Variants in PACRG observed in about 807,000 individuals in gnomAD.
The protein encoded by PACRG is parkin coregulated, also known as parkin coregulated gene protein.
Under a neutral mutation model 29.7 loss-of-function variants are expected in PACRG, and 29 were observed. That is an observed-to-expected ratio of 0.98 (90% confidence interval 0.73 to 1.33). The LOEUF is 1.33. Among genes scored for constraint, PACRG ranks in the 40% most tolerant of loss-of-function variants. The pLI is 0.00. For missense variants in PACRG, 279 were observed against 316.2 expected, an observed-to-expected ratio of 0.88 and a Z score of 0.89; for synonymous variants, 116 against 118.7, an observed-to-expected ratio of 0.98 and a Z score of 0.15.
Position 162,850,686 on chromosome 6 carries a change from T to TC in PACRG, c.291+36410dup, listed in dbSNP as rs1790783364. 3.9e-5 allele frequency among the ~76,000 whole-genome samples: 6 copies of TC among 152,298 alleles called. No individual in the cohort carries two copies. The South Asian group carries it at 1.2e-3, about 32-fold the overall frequency. ...GAGGGCGGGGAAGCTCCACACCCTT[T>TC]CCCCCATATCTTGCCCTATCCATCT... On this transcript the variant is annotated intron_variant, in intron 2 of 4. Transcript: ENST00000366888.
chr6:163,108,642 A>G (rs955823208), intron 4 of PACRG, among the ~76,000 whole-genome samples: 1 of 150,724 alleles, frequency 6.6e-6, no homozygotes, highest in African/African-American at 2.4e-5. Flanking sequence ...ACCCACCTCA[A>G]CCTCTCAAAG....
chr6:163,314,720 T>C (rs1448306284), intron 4 of PACRG, 107 bp from the exon 5 acceptor site: 1 of 1,236,140 alleles, frequency 8.1e-7, no homozygotes, highest in African/African-American at 1.5e-5. Flanking sequence ...AAATCTTGCA[T>C]GTTTGTGTCT....
At chr6:163,192,851 G>A (rs713375) in intron 4 of PACRG, among the ~76,000 whole-genome samples, 127,843 of 152,194 alleles carry the variant, frequency 0.84, 53,760 homozygotes, top group Non-Finnish European at 0.85. Flanking sequence ...CATCTGTGAC[G>A]TCCTGCAGTA....
intron 2 of PACRG, among the ~76,000 whole-genome samples, chr6:163,015,834 C>T (rs1009261081): frequency 3.3e-5 from 5 of 152,110 alleles, no homozygotes; most frequent in Non-Finnish European, 5.9e-5. Context: ...TTATTTCTGT[C>T]TGTTGTGTAG....
chr6:162,768,339 T>G (rs1782958495), intron 1 of PACRG, among the ~76,000 whole-genome samples: 1 of 152,100 alleles, frequency 6.6e-6, no homozygotes, highest in African/African-American at 2.4e-5. Flanking sequence ...TTATTGTTCT[T>G]TTTTTGATGA....
rs768856574 is a variant in PACRG, at chr6:162,800,121, C to T, written c.157-14026C>T. Among the ~76,000 whole-genome samples, 56 of 152,322 alleles carry T rather than the reference C, an allele frequency of 3.7e-4. 1 individual carries two copies. Among genetic ancestry groups the T allele is most frequent in the Middle Eastern group, 6.8e-3 (2 of 294 alleles). ...GTCTAAATTGAAGTCTCTGATGACT[C>T]TCGGAGACAAGTTGAAGGCAAGAAC... is the stretch of plus-strand genomic sequence containing the variant. On this transcript the variant is annotated intron_variant, in intron 1 of 4. Transcript: ENST00000366888.
rs190498725 is a variant in PACRG at position 162,769,666 on chromosome 6, C to T, written c.156+41275C>T. ...AATATAAACATTGATAAATTGTGAG[C>T]AGCGATCTTTACCTTAGCTCTGAAT... On this transcript the variant is annotated intron_variant, in intron 1 of 4. Transcript: ENST00000366888. 1.2e-4 allele frequency among the ~76,000 whole-genome samples: 18 copies of T among 151,580 alleles called. 1 individual carries two copies. In the East Asian group the frequency reaches 2.3e-3, roughly 20 times the overall value.
At chr6:162,972,805 G>A (rs374968282) in intron 2 of PACRG, among the ~76,000 whole-genome samples, 1 of 152,174 alleles carries the variant, frequency 6.6e-6, no homozygotes, top group African/African-American at 2.4e-5. Context: ...CAGTGTACTG[G>A]TCTTGTATGT....
In PACRG at chr6:162,958,866, TATATATATATATATATATAGAGAG is replaced by T. The variant is rs1186091642; in HGVS notation, c.292-103282_292-103259del. On this transcript the variant is annotated intron_variant, in intron 2 of 4. Transcript: ENST00000366888. ...TATATAGAGCATATATATATATATA[TATATATATATATATATATAGAGAG>T]AGAGAGAGAGAGAGAGAGAGAGAGA... Among the ~76,000 whole-genome samples the T allele has an allele frequency of 3.8e-4, 27 of 71,484 alleles. No individual in the cohort carries two copies. The South Asian group carries it at 3.9e-3, about 10-fold the overall frequency. 46.9% of individuals were successfully genotyped at this position (71,484 alleles called of 152,430 possible).
Position 162,777,671 on chromosome 6 carries a change from G to C in PACRG, c.157-36476G>C, listed in dbSNP as rs1055293532. 2.0e-5 allele frequency among the ~76,000 whole-genome samples: 3 copies of C among 152,026 alleles called. No homozygotes were observed. The highest frequency in any genetic ancestry group is 4.8e-5 in the African/African-American group (2 of 41,386). On this transcript the variant is annotated intron_variant, in intron 1 of 4. Coordinates refer to ENST00000366888, the MANE Select transcript of PACRG (RefSeq NM_001080379.2). The surrounding 1 kb of genome is among the most constrained non-coding windows in gnomAD (Gnocchi z 4.0). The stretch of plus-strand genomic sequence containing the variant: ...AATTTGGTGCCTGTGATTTCATAAG[G>C]AAATATTTTATTTTATACTTTTACT...
At chr6:163,059,217 T>C (rs1343358854) in intron 2 of PACRG, among the ~76,000 whole-genome samples, 2 of 152,254 alleles carry the variant, frequency 1.3e-5, no homozygotes, top group African/African-American at 4.8e-5. Context: ...TCTCTCTCAC[T>C]CGCTCAATCT....
chr6:163,169,237 T>C (rs1176227554), intron 4 of PACRG, among the ~76,000 whole-genome samples: 1 of 152,220 alleles, frequency 6.6e-6, no homozygotes, highest in Non-Finnish European at 1.5e-5. Flanking sequence ...AAGCGTGTAT[T>C]ATGATAAAGT....
chr6:163,295,609 T>G (rs1784756239), intron 4 of PACRG, among the ~76,000 whole-genome samples: 3 of 152,222 alleles, frequency 2.0e-5, no homozygotes, highest in African/African-American at 7.2e-5. Flanking sequence ...TTTGGCTAGG[T>G]GCTGTCTATA....
At chr6:163,141,313 A>G (rs1817141355) in intron 4 of PACRG, among the ~76,000 whole-genome samples, 1 of 152,250 alleles carries the variant, frequency 6.6e-6, no homozygotes, top group Non-Finnish European at 1.5e-5. Context: ...GTAAAATTAC[A>G]GCCGAAGTGA....
intron 4 of PACRG, among the ~76,000 whole-genome samples, chr6:163,194,479 G>A (rs905042035): frequency 9.9e-5 from 15 of 151,754 alleles, no homozygotes; most frequent in African/African-American, 3.6e-4. Flanking sequence ...AAACCCCGGC[G>A]CCTCCAGGCT....
intron 4 of PACRG, among the ~76,000 whole-genome samples, chr6:163,107,239 G>A (rs1457692974): frequency 6.6e-6 from 1 of 152,282 alleles, no homozygotes; most frequent in East Asian, 1.9e-4. Context: ...TGATGAGAAA[G>A]AGAAAGATGT....
intron 2 of PACRG, among the ~76,000 whole-genome samples, chr6:162,875,873 T>A (rs1292023400): frequency 6.6e-6 from 1 of 152,240 alleles, no homozygotes; most frequent in Non-Finnish European, 1.5e-5. Flanking sequence ...GACCATTCAG[T>A]CTTGGAAATA....
intron 2 of PACRG, among the ~76,000 whole-genome samples, chr6:162,884,706 C>A (rs1794185690): frequency 6.6e-6 from 1 of 151,766 alleles, no homozygotes; most frequent in Non-Finnish European, 1.5e-5. Flanking sequence ...TATAAAATAA[C>A]AGTGTTAACA....
At chr6:163,212,163 T>C (rs532839158) in intron 4 of PACRG, among the ~76,000 whole-genome samples, 2 of 152,254 alleles carry the variant, frequency 1.3e-5, no homozygotes, top group Non-Finnish European at 2.9e-5. Context: ...GTTACAAATA[T>C]GAAAAGATAG....
Sources: allele counts gnomAD v4.1 joint callset (sites outside exome capture counted in the v4.1 genomes callset), GRCh38; gene constraint gnomAD v4.1.1; non-coding constraint Gnocchi (gnomAD v3.1); transcripts MANE v1.5; gene names NCBI Gene and HGNC (gene_info 2026-07-23, HGNC 2026-07-21).